Variants in BMP2K observed in about 807,000 individuals in gnomAD.
BMP2K encodes the protein BMP-2-inducible protein kinase.
A neutral mutation model predicts 116.0 loss-of-function variants in BMP2K; 74 were observed. The ratio of observed to expected loss-of-function variants is 0.64; its 90% confidence interval spans 0.53 to 0.77. BMP2K has a LOEUF of 0.77. BMP2K is among the 30% of genes least tolerant of loss of function. The pLI is 0.00. For missense variants in BMP2K, 1,365 were observed against 1,403.6 expected, an observed-to-expected ratio of 0.97 and a Z score of 0.44; for synonymous variants, 486 against 502.5, an observed-to-expected ratio of 0.97 and a Z score of 0.44.
chr4:78,843,674 C>T (rs1730865896), intron 4 of BMP2K, among the ~76,000 whole-genome samples: 1 of 151,876 alleles, frequency 6.6e-6, no homozygotes, highest in Non-Finnish European at 1.5e-5. Flanking sequence ...CATTGAAATG[C>T]TTAACTGCAG....
At chr4:78,846,859 A>G (rs1731028801) in intron 5 of BMP2K, among the ~76,000 whole-genome samples, 2 of 151,570 alleles carry the variant, frequency 1.3e-5, no homozygotes, top group East Asian at 3.9e-4. Context: ...AGACTATAAT[A>G]GCCAAATTGT....
chr4:78,845,020 A>G lies in BMP2K; in HGVS notation c.639A>G (p.Gly213=). The change falls in exon 5 of 16, where the codon GGA becomes GGG. Residue 213 remains glycine (G), a synonymous_variant. Coordinates refer to ENST00000502613, the MANE Select transcript of BMP2K (RefSeq NM_198892.2). The part of the protein sequence containing the change: ...TNKFLNPQKD[G]VNVVEEEIKK... ...AATTTCTTAATCCTCAAAAAGATGG[A>G]GTTAATGTAGTAGAAGAAGAAATTA... The G allele has an allele frequency of 6.3e-7, 1 of 1,584,022 alleles. No homozygotes were observed. Among genetic ancestry groups the G allele is most frequent in the Non-Finnish European group, 8.7e-7 (1 of 1,155,488 alleles).
intron 12 of BMP2K, among the ~76,000 whole-genome samples, 170 bp downstream of exon 12, chr4:78,872,118 CTATGGCACCTGAA>C (rs1191731600): frequency 6.6e-6 from 1 of 152,126 alleles, no homozygotes; most frequent in Non-Finnish European, 1.5e-5. Flanking sequence ...TTGCACTGAA[CTATGGCACCTGAA>C]TATGGCACAT....
At chr4:78,897,489 A>G (rs1733763996) in intron 15 of BMP2K, among the ~76,000 whole-genome samples, 1 of 152,164 alleles carries the variant, frequency 6.6e-6, no homozygotes, top group African/African-American at 2.4e-5. Flanking sequence ...TAAAACTTTG[A>G]ATAATATAGG....
At chr4:78,851,227 A>G (rs901171516) in intron 7 of BMP2K, among the ~76,000 whole-genome samples, 171 bp downstream of exon 7, 1 of 152,118 alleles carries the variant, frequency 6.6e-6, no homozygotes, top group African/African-American at 2.4e-5. Flanking sequence ...TAAGAATGAA[A>G]GCAACCTAAT....
chr4:78,816,825 G>A (rs1016079685), intron 1 of BMP2K, among the ~76,000 whole-genome samples: 5 of 152,156 alleles, frequency 3.3e-5, no homozygotes, highest in South Asian at 2.1e-4. Context: ...ATTATTCATC[G>A]TGTATTTACT....
chr4:78,801,447 C>T (rs1022127574), intron 1 of BMP2K, among the ~76,000 whole-genome samples: 1 of 151,642 alleles, frequency 6.6e-6, no homozygotes, highest in African/African-American at 2.4e-5. Context: ...AGTTGTTTAA[C>T]CTTCCCTACC....
At chr4:78,909,420 A>G (rs976455008) in intron 15 of BMP2K, among the ~76,000 whole-genome samples, 15 of 152,126 alleles carry the variant, frequency 9.9e-5, no homozygotes, top group South Asian at 2.1e-4. Context: ...TTTCCATTAT[A>G]CATGGAATTT....
chr4:78,860,760 G>GGT (rs1197460606), intron 8 of BMP2K, among the ~76,000 whole-genome samples: 3 of 146,428 alleles, frequency 2.0e-5, no homozygotes, highest in African/African-American at 7.6e-5. Flanking sequence ...GAAGGAATGT[G>GGT]GTACCTTTCC....
intron 1 of BMP2K, among the ~76,000 whole-genome samples, chr4:78,802,041 A>T (rs995101408): frequency 2.0e-5 from 3 of 152,158 alleles, no homozygotes; most frequent in African/African-American, 7.2e-5. Context: ...ATTTTTTGTT[A>T]GCTTGAGAAG....
rs140816673 is a variant in BMP2K, at chr4:78,862,236, A to C, written c.1067+768A>C. Among the ~76,000 whole-genome samples the C allele has an allele frequency of 1.0e-2, 1,511 of 151,618 alleles. 30 individuals carry two copies. The highest frequency in any genetic ancestry group is 0.035 in the African/African-American group (1,449 of 41,382). ...AGATGTAGACAATTTAAACACAAAG[A>C]AAAAAAAAGCAGTTTTTATTTCCAA... On this transcript the variant is annotated intron_variant, in intron 9 of 15. Coordinates refer to ENST00000502613, the MANE Select transcript of BMP2K (RefSeq NM_198892.2).
intron 13 of BMP2K, among the ~76,000 whole-genome samples, chr4:78,878,058 C>A (rs1033606813): frequency 6.6e-6 from 1 of 152,176 alleles, no homozygotes; most frequent in Non-Finnish European, 1.5e-5. Context: ...GGATAATTTT[C>A]ATAGAACCAG....
chr4:78,792,982 T>C (rs1179014982), intron 1 of BMP2K, among the ~76,000 whole-genome samples: 2 of 152,184 alleles, frequency 1.3e-5, no homozygotes, highest in Non-Finnish European at 2.9e-5. Flanking sequence ...ACATATCATA[T>C]AGATTTACTG....
At chr4:78,835,529 T>C (rs1305629353) in intron 3 of BMP2K, among the ~76,000 whole-genome samples, 1 of 147,726 alleles carries the variant, frequency 6.8e-6, no homozygotes, top group Non-Finnish European at 1.5e-5. Context: ...CTCGGGAGGC[T>C]GAGGCAGGAG....
chr4:78,844,793 A>G (rs927027495), intron 4 of BMP2K, 135 bp from the exon 5 acceptor site: 107 of 693,612 alleles, frequency 1.5e-4, no homozygotes, highest in Middle Eastern at 1.3e-3. Flanking sequence ...TTATTTTTGT[A>G]TATGGCATAT....
At chr4:78,790,133 T>A (rs1727927553) in intron 1 of BMP2K, among the ~76,000 whole-genome samples, 1 of 152,208 alleles carries the variant, frequency 6.6e-6, no homozygotes, top group Admixed American at 6.5e-5. Flanking sequence ...TAAAACAGTT[T>A]CCTTAAAAAT....
intron 3 of BMP2K, among the ~76,000 whole-genome samples, chr4:78,836,163 A>C (rs1730467114): frequency 6.6e-6 from 1 of 152,108 alleles, no homozygotes; most frequent in Non-Finnish European, 1.5e-5. Flanking sequence ...CACACTGATA[A>C]TCCCAGCACT....
chr4:78,782,817 TTTTGGG>T (rs1727568336), intron 1 of BMP2K, among the ~76,000 whole-genome samples: 1 of 152,204 alleles, frequency 6.6e-6, no homozygotes. Context: ...ATGCTGAGCT[TTTTGGG>T]GGTAGAACCA....
Position 78,870,932 on chromosome 4 carries a change from C to T in BMP2K, c.1381C>T (p.Gln461Ter). The change falls in exon 11 of 16, where the codon CAG (glutamine) becomes TAG (stop). Residue 461 changes from glutamine to a stop codon, truncating the protein, a stop_gained. Transcript: ENST00000502613. LOFTEE classifies it high-confidence loss of function. Reference protein sequence around the residue: ...LHLQHRHPHQQQQQQQQQQQQ... With the variant: ...LHLQHRHPHQ ...TTTACAGCATCGTCATCCTCACCAG[C>T]AGCAGCAGCAGCAGCAGCAGCAACA... 1 of 1,588,024 alleles carries T rather than the reference C, an allele frequency of 6.3e-7. No homozygotes were observed. Among genetic ancestry groups the T allele is most frequent in the Non-Finnish European group, 8.5e-7 (1 of 1,176,820 alleles).
Sources: gnomAD v4.1 joint callset for allele counts (sites outside exome capture counted in the v4.1 genomes callset) on GRCh38, gnomAD v4.1.1 for gene constraint, MANE v1.5 for transcripts, NCBI Gene and HGNC (gene_info 2026-07-23, HGNC 2026-07-21) for gene names.